The following SACM1L variants were observed in gnomAD, a reference collection of about 807,000 sequenced individuals.
SACM1L encodes phosphatidylinositol-3-phosphatase SAC1.
Under a neutral mutation model 89.5 loss-of-function variants are expected in SACM1L, and 32 were observed. The observed-to-expected ratio is 0.36, with a 90% confidence interval of 0.27 to 0.48. The LOEUF (loss-of-function observed/expected upper bound fraction) is 0.48. Ranked by LOEUF, SACM1L falls within the 20% of genes least tolerant of loss-of-function variation. The pLI, the probability that SACM1L is intolerant of heterozygous loss-of-function variation, is 0.99. For missense variants in SACM1L, 543 were observed against 708.5 expected (o/e 0.77, Z 2.65); for synonymous variants, 213 against 232.8 (o/e 0.92, Z 0.77).
At chr3:45,737,279 C>T (rs1027561414) in intron 14 of SACM1L, 6 of 320,742 alleles carry the variant, frequency 1.9e-5, no homozygotes, top group South Asian at 6.2e-5. Flanking sequence ...GAGGAAGTAG[C>T]GGCTGGAATC....
At chr3:45,721,884 C>T in intron 8 of SACM1L, 116 bp from the exon 9 acceptor site, 1 of 661,802 alleles carries the variant, frequency 1.5e-6, no homozygotes, top group East Asian at 2.9e-5. Context: ...TTCATAATGA[C>T]TTTTCCACTA....
intron 11 of SACM1L, chr3:45,730,481 A>G (rs571406650): frequency 1.3e-5 from 2 of 152,188 alleles, no homozygotes; most frequent in Non-Finnish European, 2.9e-5. Context: ...AAGAACTGAA[A>G]TAGACAAACT....
chr3:45,733,768 T>G (rs1212448345), intron 13 of SACM1L, among the ~76,000 whole-genome samples: 1 of 152,228 alleles, frequency 6.6e-6, no homozygotes, highest in African/African-American at 2.4e-5. Context: ...ATTCAAACCT[T>G]AGAGAAGCCT....
At chr3:45,715,185 T>A (rs2125693280) in intron 7 of SACM1L, among the ~76,000 whole-genome samples, 1 of 152,330 alleles carries the variant, frequency 6.6e-6, no homozygotes, top group East Asian at 1.9e-4. Flanking sequence ...TGTACCCCTA[T>A]TAAGTGATGC....
chr3:45,693,895 G>A (rs1243495077), intron 1 of SACM1L, among the ~76,000 whole-genome samples: 1 of 152,150 alleles, frequency 6.6e-6, no homozygotes, highest in Admixed American at 6.6e-5. Context: ...TAAGCCATTT[G>A]TATAGGCATG....
intron 9 of SACM1L, 46 bp from the exon 10 acceptor site, chr3:45,722,823 A>G (rs1432168543): frequency 5.6e-6 from 8 of 1,419,074 alleles, no homozygotes; most frequent in Non-Finnish European, 6.9e-6. Context: ...GGTGAGAAAA[A>G]CAAGTATGTT....
At chr3:45,708,506 A>C (rs1232257638) in intron 4 of SACM1L, among the ~76,000 whole-genome samples, 1 of 152,088 alleles carries the variant, frequency 6.6e-6, no homozygotes, top group African/African-American at 2.4e-5. Context: ...ATTTTAAAAA[A>C]TAAAATTATA....
At chr3:45,741,220 T>C (rs1699306318) in intron 19 of SACM1L, among the ~76,000 whole-genome samples, 1 of 152,176 alleles carries the variant, frequency 6.6e-6, no homozygotes, top group Admixed American at 6.5e-5. Context: ...GCACCATTCA[T>C]ATGCTCCCCT....
intron 11 of SACM1L, among the ~76,000 whole-genome samples, chr3:45,728,412 A>G (rs982286263): frequency 3.3e-5 from 5 of 151,512 alleles, no homozygotes; most frequent in South Asian, 2.1e-4. Context: ...TTTGGTAGTG[A>G]TATATTTTGA....
At chr3:45,689,751 C>G in intron 1 of SACM1L, 1 of 588,082 alleles carries the variant, frequency 1.7e-6, no homozygotes. Flanking sequence ...AAGCTGCCGA[C>G]TGGCCCCCAC....
At chr3:45,702,787 C>A (rs969164486) in intron 1 of SACM1L, among the ~76,000 whole-genome samples, 1 of 151,972 alleles carries the variant, frequency 6.6e-6, no homozygotes, top group Non-Finnish European at 1.5e-5. Flanking sequence ...CTCTCTCAAC[C>A]GTGTTTCTAC....
At chr3:45,690,134 A>G (rs1334919890) in intron 1 of SACM1L, 2 of 152,350 alleles carry the variant, frequency 1.3e-5, no homozygotes, top group Non-Finnish European at 2.9e-5. Flanking sequence ...GGTACTGCAA[A>G]TTGACTTTTC....
chr3:45,742,327 G>T (rs927358626), intron 19 of SACM1L, among the ~76,000 whole-genome samples: 2 of 152,192 alleles, frequency 1.3e-5, no homozygotes, highest in African/African-American at 4.8e-5. Flanking sequence ...GATAAACTTT[G>T]TGATGTTTGG....
chr3:45,708,966 T>C (rs1260529605), intron 4 of SACM1L, among the ~76,000 whole-genome samples: 2 of 152,234 alleles, frequency 1.3e-5, no homozygotes, highest in African/African-American at 2.4e-5. Context: ...TAATCTTTGT[T>C]TTAAAGAAAA....
At chr3:45,727,223 T>C (rs1385536845) in intron 11 of SACM1L, among the ~76,000 whole-genome samples, 1 of 152,216 alleles carries the variant, frequency 6.6e-6, no homozygotes, top group East Asian at 1.9e-4. Context: ...ATTTTTGTTT[T>C]CATTTGTCTC....
At chr3:45,732,823 G>A (rs1452739898) in intron 13 of SACM1L, among the ~76,000 whole-genome samples, 1 of 152,120 alleles carries the variant, frequency 6.6e-6, no homozygotes, top group African/African-American at 2.4e-5. Context: ...TCTGTAAATC[G>A]TACTACCATT....
At chr3:45,697,923 C>A (rs1405233378) in intron 1 of SACM1L, among the ~76,000 whole-genome samples, 2 of 152,180 alleles carry the variant, frequency 1.3e-5, no homozygotes, top group Non-Finnish European at 2.9e-5. Flanking sequence ...ACCAAATAAT[C>A]TTCTTGGATC....
intron 2 of SACM1L, 136 bp downstream of exon 2, chr3:45,703,671 A>G (rs992463814): frequency 5.9e-6 from 3 of 507,448 alleles, no homozygotes; most frequent in African/African-American, 3.8e-5. Flanking sequence ...TATTCTTGCT[A>G]CCTCATTCAT....
chr3:45,733,343 A>C (rs545420196), intron 13 of SACM1L, among the ~76,000 whole-genome samples: 25 of 152,336 alleles, frequency 1.6e-4, no homozygotes, highest in African/African-American at 6.0e-4. Flanking sequence ...CTTAGTAGTA[A>C]TATGACCCAG....
Sources: gnomAD v4.1 joint callset for allele counts (sites outside exome capture counted in the v4.1 genomes callset) on GRCh38, gnomAD v4.1.1 for gene constraint, MANE v1.5 for transcripts, NCBI Gene and HGNC (gene_info 2026-07-23, HGNC 2026-07-21) for gene names.